The following NALF1 variants were observed in gnomAD, a reference collection of about 807,000 sequenced individuals.
The protein encoded by NALF1 is NALCN channel auxiliary factor 1, also known as family with sequence similarity 155 member A.
NALF1 carries 3 observed loss-of-function variants against 48.4 expected under a neutral mutation model. The ratio of observed to expected loss-of-function variants is 0.06; its 90% CI spans 0.03 to 0.16. The LOEUF (loss-of-function observed/expected upper bound fraction) is 0.16. Ranked by LOEUF, NALF1 falls within the 10% of genes least tolerant of loss-of-function variation. NALF1 has a pLI of 1.00. For missense variants in NALF1, 526 were observed against 571.5 expected (o/e 0.92, Z 0.81); for synonymous variants, 262 against 245.7 (o/e 1.07, Z -0.62).
intron 1 of NALF1, among the ~76,000 whole-genome samples, chr13:107,224,237 G>A (rs1474076170): frequency 6.6e-6 from 1 of 151,750 alleles, no homozygotes; most frequent in Non-Finnish European, 1.5e-5. Flanking sequence ...GGCAAAAAAT[G>A]TAGAATAATA....
At chr13:107,243,114 C>A (rs893910247) in intron 1 of NALF1, among the ~76,000 whole-genome samples, 23 of 152,122 alleles carry the variant, frequency 1.5e-4, no homozygotes, top group Non-Finnish European at 2.9e-4. Context: ...TGGAATTGCA[C>A]CCAAATGTCT....
rs190674583 is a variant in NALF1 at position 107,693,404 on chromosome 13, T to C, written c.915+172278A>G. On this transcript the variant is annotated intron_variant, in intron 1 of 2. Transcript: ENST00000375915. ...AGTTGATGGGTGCAGCACACCAACA[T>C]GGCGCATGTATACTTATGTAACAAA... Among the ~76,000 whole-genome samples, 240 of 152,024 alleles carry C rather than the reference T, an allele frequency of 1.6e-3. 2 individuals are homozygous for C. The highest frequency in any genetic ancestry group is 5.8e-3 in the East Asian group (30 of 5,130).
chr13:107,242,243 C>T (rs543654454), intron 1 of NALF1, among the ~76,000 whole-genome samples: 1 of 152,190 alleles, frequency 6.6e-6, no homozygotes, highest in Non-Finnish European at 1.5e-5. Flanking sequence ...GGCCTTCCTC[C>T]TCCTCTCCCG....
At chr13:107,692,882 G>A (rs1489808693) in intron 1 of NALF1, among the ~76,000 whole-genome samples, 2 of 152,178 alleles carry the variant, frequency 1.3e-5, no homozygotes, top group Non-Finnish European at 2.9e-5. Flanking sequence ...TTTAATTTCA[G>A]AATTTAGATA....
intron 1 of NALF1, among the ~76,000 whole-genome samples, chr13:107,263,461 C>A (rs1297416997): frequency 3.3e-5 from 5 of 152,128 alleles, no homozygotes; most frequent in African/African-American, 1.2e-4. Context: ...TGTGGCCCCA[C>A]CGAAATCTCA....
chr13:107,245,665 G>T (rs142863739), intron 1 of NALF1, among the ~76,000 whole-genome samples: 1 of 152,058 alleles, frequency 6.6e-6, no homozygotes, highest in African/African-American at 2.4e-5. Context: ...TCGATTAAAA[G>T]AGCCTATCAC....
intron 1 of NALF1, among the ~76,000 whole-genome samples, chr13:107,823,872 G>A (rs1366603079): frequency 2.0e-5 from 3 of 152,212 alleles, no homozygotes; most frequent in Non-Finnish European, 4.4e-5. Context: ...GCGGATAATA[G>A]TAATGCTTAC....
At chr13:107,825,817 G>A (rs1594296127) in intron 1 of NALF1, among the ~76,000 whole-genome samples, 1 of 140,630 alleles carries the variant, frequency 7.1e-6, no homozygotes. Flanking sequence ...GTCTCGCTCT[G>A]TCACCCAGGC....
At chr13:107,829,061 C>G (rs1306361560) in intron 1 of NALF1, among the ~76,000 whole-genome samples, 1 of 152,166 alleles carries the variant, frequency 6.6e-6, no homozygotes, top group Non-Finnish European at 1.5e-5. Context: ...GCCCCCTCTT[C>G]TCTGCATTTC....
intron 1 of NALF1, among the ~76,000 whole-genome samples, chr13:107,830,606 T>G (rs1217738152): frequency 2.0e-5 from 3 of 152,198 alleles, no homozygotes; most frequent in African/African-American, 7.2e-5. Context: ...ATTCAAGCCC[T>G]TTGGCCATGT....
At chr13:107,572,110 AATAAT>A (rs1215192481) in intron 1 of NALF1, among the ~76,000 whole-genome samples, 3 of 152,212 alleles carry the variant, frequency 2.0e-5, no homozygotes, top group African/African-American at 7.2e-5. Context: ...ATAATTGATA[AATAAT>A]ATAATTGGTA....
chr13:107,498,725 T>G (rs1875418264), intron 1 of NALF1, among the ~76,000 whole-genome samples: 1 of 152,152 alleles, frequency 6.6e-6, no homozygotes, highest in Admixed American at 6.6e-5. Flanking sequence ...GAGTTTGAAT[T>G]TTATTCTTGT....
intron 1 of NALF1, among the ~76,000 whole-genome samples, chr13:107,227,555 T>C (rs1880131843): frequency 2.0e-5 from 3 of 152,248 alleles, no homozygotes; most frequent in Non-Finnish European, 4.4e-5. Flanking sequence ...TTCTGAAATA[T>C]CTTTGTCGCA....
chr13:107,655,519 C>A (rs546882928), intron 1 of NALF1, among the ~76,000 whole-genome samples: 1 of 152,014 alleles, frequency 6.6e-6, no homozygotes, highest in African/African-American at 2.4e-5. Flanking sequence ...ACAACACAAA[C>A]AAATGGAAAC....
chr13:107,304,230 T>C (rs1251799807), intron 1 of NALF1, among the ~76,000 whole-genome samples: 1 of 152,196 alleles, frequency 6.6e-6, no homozygotes, highest in Non-Finnish European at 1.5e-5. Context: ...AACTGGTTGT[T>C]TGGTATTGAA....
chr13:107,264,352 A>T (rs1233264504), intron 1 of NALF1, among the ~76,000 whole-genome samples: 1 of 152,242 alleles, frequency 6.6e-6, no homozygotes, highest in South Asian at 2.1e-4. Flanking sequence ...ACTAACTTCT[A>T]TCAGAAAGCC....
chr13:107,410,814 T>C (rs2139000182), intron 1 of NALF1, among the ~76,000 whole-genome samples: 1 of 152,338 alleles, frequency 6.6e-6, no homozygotes, highest in East Asian at 1.9e-4. Context: ...ATATTTCACA[T>C]ACTCTGAAAA....
intron 1 of NALF1, among the ~76,000 whole-genome samples, chr13:107,804,892 T>A (rs1358277052): frequency 1.3e-5 from 2 of 152,176 alleles, no homozygotes; most frequent in African/African-American, 4.8e-5. Context: ...ACAAAATACT[T>A]CTTTGTTAAT....
At chr13:107,390,629 A>AG (rs1883609875) in intron 1 of NALF1, among the ~76,000 whole-genome samples, 1 of 152,116 alleles carries the variant, frequency 6.6e-6, no homozygotes, top group Admixed American at 6.6e-5. Flanking sequence ...ATTTTACTTG[A>AG]GGCAAAGTTT....
Sources: allele counts gnomAD v4.1 joint callset (sites outside exome capture counted in the v4.1 genomes callset), GRCh38; gene constraint gnomAD v4.1.1; transcripts MANE v1.5; gene names NCBI Gene and HGNC (gene_info 2026-07-23, HGNC 2026-07-21).